Variants in XIRP2 observed in about 807,000 individuals in gnomAD.
XIRP2 encodes xin actin binding repeat containing 2.
In XIRP2, 236 loss-of-function variants were observed where a neutral mutation model predicts 277.0. The observed-to-expected ratio is 0.85, with a 90% CI of 0.77 to 0.95. The LOEUF is 0.95. XIRP2 is among the 40% of genes least tolerant of loss of function. XIRP2 has a pLI of 0.00. For synonymous variants in XIRP2, 1,490 were observed against 1,416.5 expected (o/e 1.05, Z -1.17); for missense variants, 4,640 against 4,157.5 (o/e 1.12, Z -3.19).
intron 2 of XIRP2, among the ~76,000 whole-genome samples, chr2:166,976,874 T>C (rs368480784): frequency 6.6e-6 from 1 of 152,188 alleles, no homozygotes; most frequent in Admixed American, 6.5e-5. Flanking sequence ...TCATGTAACA[T>C]TGTTAGCAAT....
At chr2:167,241,708 C>T (rs939068362) in intron 7 of XIRP2, 69 bp from the exon 8 acceptor site, 1 of 1,508,628 alleles carries the variant, frequency 6.6e-7, no homozygotes, top group East Asian at 2.4e-5. Context: ...CCATGCCCAG[C>T]CATAATTTCT....
At chr2:167,082,150 G>A (rs1197087774) in intron 2 of XIRP2, among the ~76,000 whole-genome samples, 2 of 142,838 alleles carry the variant, frequency 1.4e-5, no homozygotes, top group African/African-American at 5.3e-5. Context: ...CTGTGTCCAT[G>A]TGATCTCATT....
In XIRP2 at chr2:167,251,842, T is replaced by C. The variant is rs200077620; in HGVS notation, c.10450T>C (p.Trp3484Arg). The change falls in exon 9 of 11, where the codon TGG becomes CGG. Residue 3484 changes from tryptophan to arginine, a missense_variant. Coordinates refer to ENST00000409195, the MANE Select transcript of XIRP2 (RefSeq NM_152381.6). The part of the protein sequence containing the change: ...KEVRKNFQKT[W>R]QESGRVFKGL... ...AGTAAGAAAAAATTTTCAAAAGACG[T>C]GGCAAGAGAGTGGAAGAGTTTTTAA... 340 of 1,613,058 alleles carry C rather than the reference T, an allele frequency of 2.1e-4. No homozygotes were observed. The highest frequency in any genetic ancestry group is 5.0e-4 in the Middle Eastern group (3 of 6,054).
At chr2:166,957,717 C>A (rs946085071) in intron 2 of XIRP2, among the ~76,000 whole-genome samples, 5 of 151,762 alleles carry the variant, frequency 3.3e-5, no homozygotes, top group African/African-American at 1.2e-4. Flanking sequence ...AGCATATACA[C>A]CCTATCAGGA....
At position 167,246,436 on chromosome 2, in the gene XIRP2, G is replaced by T. The variant is rs371315177; in HGVS notation, c.5044G>T (p.Asp1682Tyr). ...AAAGAAAGGCATCTTAATTCAGGAA[G>T]ATGAAAAAGGAGATATTAACATGAC... Reference protein sequence around the residue: ...SVKKGILIQEDEKGDINMTIY... With the variant: ...SVKKGILIQEYEKGDINMTIY... The change falls in exon 9 of 11, where the codon GAT (aspartate) becomes TAT (tyrosine). Residue 1682 changes from aspartate to tyrosine, a missense_variant. Physicochemically the swap from Asp to Tyr is radical, Grantham distance 160 (BLOSUM62 -3). Transcript: ENST00000409195. 1 of 1,613,574 alleles carries T rather than the reference G, an allele frequency of 6.2e-7. No individual in the cohort carries two copies. Among genetic ancestry groups the T allele is most frequent in the African/African-American group, 1.3e-5 (1 of 74,888 alleles).
At chr2:166,938,875 T>A (rs1277176369) in intron 2 of XIRP2, among the ~76,000 whole-genome samples, 2 of 152,198 alleles carry the variant, frequency 1.3e-5, no homozygotes, top group Non-Finnish European at 2.9e-5. Context: ...TTGATCTTTG[T>A]TGGTTTAAAG....
chr2:166,888,941 C>G (rs575408930), intron 1 of XIRP2, among the ~76,000 whole-genome samples: 1 of 152,244 alleles, frequency 6.6e-6, no homozygotes, highest in South Asian at 2.1e-4. Flanking sequence ...CAGCATCACC[C>G]AAAGAAAGCA....
chr2:166,935,652 A>T (rs543575034), intron 2 of XIRP2, among the ~76,000 whole-genome samples: 1 of 152,278 alleles, frequency 6.6e-6, no homozygotes, highest in South Asian at 2.1e-4. Flanking sequence ...TATGATTGAG[A>T]ACATACAGTG....
chr2:167,037,524 T>G (rs918162183), intron 2 of XIRP2, among the ~76,000 whole-genome samples: 6 of 148,684 alleles, frequency 4.0e-5, no homozygotes, highest in African/African-American at 1.5e-4. Context: ...GGGGGGTGTG[T>G]GTGTGTGTGT....
intron 2 of XIRP2, among the ~76,000 whole-genome samples, chr2:166,986,340 G>A (rs1418735785): frequency 6.6e-6 from 1 of 152,224 alleles, no homozygotes; most frequent in South Asian, 2.1e-4. Flanking sequence ...TGTAACTGAT[G>A]TAATGTAGCC....
intron 2 of XIRP2, among the ~76,000 whole-genome samples, chr2:167,013,315 T>G (rs1051680276): frequency 6.6e-6 from 1 of 151,530 alleles, no homozygotes; most frequent in Admixed American, 6.6e-5. Context: ...GGTATATTAT[T>G]TTTAATGTAG....
chr2:167,087,485 C>T (rs537398488), intron 2 of XIRP2, among the ~76,000 whole-genome samples: 113 of 152,228 alleles, frequency 7.4e-4, no homozygotes, highest in South Asian at 1.9e-3. Flanking sequence ...TCGAGCTTCC[C>T]GGCTGCTTTG....
chr2:167,081,879 C>T (rs928441023), intron 2 of XIRP2, among the ~76,000 whole-genome samples: 3 of 151,922 alleles, frequency 2.0e-5, no homozygotes, highest in African/African-American at 7.3e-5. Flanking sequence ...TGGTACCTTA[C>T]ATGAGAAAGC....
At chr2:166,904,899 T>A (rs1382086130) in intron 2 of XIRP2, among the ~76,000 whole-genome samples, 1 of 152,104 alleles carries the variant, frequency 6.6e-6, no homozygotes, top group African/African-American at 2.4e-5. Context: ...AATAGAATAT[T>A]TTTGAAAATC....
intron 2 of XIRP2, among the ~76,000 whole-genome samples, chr2:167,065,614 A>G (rs551894078): frequency 6.6e-6 from 1 of 151,748 alleles, no homozygotes; most frequent in Admixed American, 6.6e-5. Flanking sequence ...ATCTTGTAAA[A>G]TATCCTTTAA....
chr2:167,231,029 T>G (rs1573977938), intron 5 of XIRP2, among the ~76,000 whole-genome samples: 1 of 152,208 alleles, frequency 6.6e-6, no homozygotes, highest in East Asian at 1.9e-4. Context: ...AATTATTACC[T>G]TTTCAGTTTT....
intron 5 of XIRP2, among the ~76,000 whole-genome samples, chr2:167,233,734 G>A (rs548770988): frequency 6.6e-6 from 1 of 151,512 alleles, no homozygotes; most frequent in South Asian, 2.1e-4. Flanking sequence ...CTTTTTATCT[G>A]TAATTTCATT....
intron 2 of XIRP2, among the ~76,000 whole-genome samples, chr2:167,039,761 G>A (rs1310474848): frequency 6.6e-6 from 1 of 152,076 alleles, no homozygotes; most frequent in African/African-American, 2.4e-5. Flanking sequence ...ATAATATATT[G>A]GAATTTATAA....
intron 2 of XIRP2, among the ~76,000 whole-genome samples, chr2:166,933,558 C>T (rs138940437): frequency 8.4e-4 from 126 of 150,258 alleles, no homozygotes; most frequent in African/African-American, 2.8e-3. Flanking sequence ...CCAGCCTGGG[C>T]GACAGAGTGA....
Sources: allele counts gnomAD v4.1 joint callset (sites outside exome capture counted in the v4.1 genomes callset), GRCh38; gene constraint gnomAD v4.1.1; transcripts MANE v1.5; gene names NCBI Gene and HGNC (gene_info 2026-07-23, HGNC 2026-07-21).